Variants in GPHN observed in about 807,000 individuals in gnomAD.
GPHN encodes gephyrin.
A neutral mutation model predicts 95.5 loss-of-function variants in GPHN; 17 were observed. The observed-to-expected ratio is 0.18, with a 90% CI of 0.12 to 0.27. The LOEUF (loss-of-function observed/expected upper bound fraction) is 0.27, where lower values mean the gene tolerates loss of function less well. Among genes scored for constraint, GPHN ranks in the 10% least tolerant of loss-of-function variants. GPHN has a pLI of 1.00. For synonymous variants in GPHN, 320 were observed against 322.5 expected (o/e 0.99, Z 0.08); for missense variants, 660 against 978.1 (o/e 0.67, Z 4.34).
intron 10 of GPHN, among the ~76,000 whole-genome samples, chr14:67,024,878 T>C (rs1371512573): frequency 6.6e-6 from 1 of 152,170 alleles, no homozygotes; most frequent in East Asian, 1.9e-4. Context: ...GGGGTTTTTT[T>C]GTGTAAATTT....
chr14:66,715,098 G>C (rs1010914560), intron 2 of GPHN, among the ~76,000 whole-genome samples: 1 of 152,162 alleles, frequency 6.6e-6, no homozygotes, highest in South Asian at 2.1e-4. Flanking sequence ...CTGTGAATCT[G>C]TCTGGTCCTG....
intron 10 of GPHN, among the ~76,000 whole-genome samples, chr14:67,036,343 C>T (rs1325800555): frequency 6.6e-6 from 1 of 150,610 alleles, no homozygotes; most frequent in Non-Finnish European, 1.5e-5. Context: ...TTTGCCACTT[C>T]TTTTTAGTAT....
At chr14:67,641,120 G>A in the GPHN span, among the ~76,000 whole-genome samples, 1 of 152,176 alleles carries the variant, frequency 6.6e-6, no homozygotes, top group Non-Finnish European at 1.5e-5. Flanking sequence ...GGGTGGCTGT[G>A]ATAGTGACAC....
At chr14:67,528,098 G>A in the GPHN span, among the ~76,000 whole-genome samples, 2 of 152,172 alleles carry the variant, frequency 1.3e-5, no homozygotes, top group Admixed American at 1.3e-4. Flanking sequence ...TGGGGACTCA[G>A]ATAGATTGGA....
chr14:66,661,555 T>G (rs1595447713), intron 1 of GPHN, among the ~76,000 whole-genome samples: 1 of 152,162 alleles, frequency 6.6e-6, no homozygotes, highest in African/African-American at 2.4e-5. Flanking sequence ...GCTCAACCTT[T>G]CCAGCCTGTG....
chr14:66,521,405 T>C (rs912201719), intron 1 of GPHN, among the ~76,000 whole-genome samples: 4 of 151,978 alleles, frequency 2.6e-5, no homozygotes, highest in African/African-American at 9.7e-5. Flanking sequence ...TCCTTGGGAG[T>C]GGGGATACTA....
chr14:67,117,139 C>T (rs1245836627), intron 16 of GPHN, among the ~76,000 whole-genome samples: 1 of 152,194 alleles, frequency 6.6e-6, no homozygotes, highest in African/African-American at 2.4e-5. Context: ...AGTCAAATCA[C>T]CTTCTCTTTG....
chr14:66,529,338 A>G (rs1433374425), intron 1 of GPHN, among the ~76,000 whole-genome samples: 1 of 151,686 alleles, frequency 6.6e-6, no homozygotes, highest in African/African-American at 2.4e-5. Context: ...TCTTCTCTAA[A>G]CTGGTTATTC....
At chr14:66,670,631 A>C (rs2066252231) in intron 1 of GPHN, among the ~76,000 whole-genome samples, 2 of 152,266 alleles carry the variant, frequency 1.3e-5, no homozygotes, top group Admixed American at 1.3e-4. Context: ...CTTAACAAAA[A>C]TACAAAAAAA....
chr14:67,269,167 G>A, the GPHN span, among the ~76,000 whole-genome samples: 1 of 152,118 alleles, frequency 6.6e-6, no homozygotes, highest in African/African-American at 2.4e-5. Context: ...AATCCTGTTT[G>A]TAGGGTTAAT....
At chr14:66,604,825 G>A (rs1028466728) in intron 1 of GPHN, among the ~76,000 whole-genome samples, 1 of 151,978 alleles carries the variant, frequency 6.6e-6, no homozygotes, top group Admixed American at 6.6e-5. Context: ...ATATCTGATA[G>A]GTAGTTTTTC....
intron 1 of GPHN, among the ~76,000 whole-genome samples, chr14:66,537,438 A>G (rs1342764307): frequency 6.6e-6 from 1 of 151,898 alleles, no homozygotes; most frequent in African/African-American, 2.4e-5. Flanking sequence ...ATTTTAATAA[A>G]TCTTGATTTT....
At chr14:67,337,507 ACT>A in the GPHN span, 1 of 149,516 alleles carries the variant, frequency 6.7e-6, no homozygotes, top group African/African-American at 2.5e-5. Flanking sequence ...AATGAGTGAG[ACT>A]CTGTTTCAAA....
the GPHN span, among the ~76,000 whole-genome samples, chr14:67,439,321 T>G: frequency 6.6e-6 from 1 of 152,122 alleles, no homozygotes; most frequent in African/African-American, 2.4e-5. Context: ...TAGTTGTAGG[T>G]TTTCATCAGT....
At chr14:67,105,129 C>T (rs1444641850) in intron 13 of GPHN, among the ~76,000 whole-genome samples, 1 of 151,950 alleles carries the variant, frequency 6.6e-6, no homozygotes, top group Non-Finnish European at 1.5e-5. Context: ...GTAATTTCTA[C>T]ATGTTTGTAC....
Position 66,564,758 on chromosome 14 carries a change from C to T in GPHN, c.64+56167C>T, listed in dbSNP as rs140607092. Among the ~76,000 whole-genome samples the T allele has an allele frequency of 4.2e-3, 635 of 152,188 alleles. 1 individual carries two copies. Among genetic ancestry groups the T allele is most frequent in the Non-Finnish European group, 7.3e-3 (495 of 68,012 alleles). ...GTAAGATTTTGTGTGTGTGCGTGTG[C>T]ATGCATATGTTCACGTGTTTGGTGG... On this transcript the variant is annotated intron_variant, in intron 1 of 22. Coordinates refer to ENST00000478722, the MANE Select transcript of GPHN (RefSeq NM_020806.5).
the GPHN span, chr14:67,573,139 A>G: frequency 1.6e-6 from 1 of 618,904 alleles, no homozygotes; most frequent in Admixed American, 2.5e-5. The surrounding 1 kb of genome is among the most constrained non-coding windows in gnomAD (Gnocchi z 4.8). Context: ...CTCTGAAAAT[A>G]CACTGAGTAG....
chr14:66,639,437 A>G (rs554654818), intron 1 of GPHN, among the ~76,000 whole-genome samples: 12 of 152,282 alleles, frequency 7.9e-5, no homozygotes, highest in East Asian at 3.9e-4. Context: ...TTCATACATG[A>G]CAATTGATGA....
At chr14:67,078,518 C>T (rs2076579114) in intron 11 of GPHN, among the ~76,000 whole-genome samples, 1 of 152,112 alleles carries the variant, frequency 6.6e-6, no homozygotes, top group African/African-American at 2.4e-5. Context: ...TCCAACACTA[C>T]TGCTTAGCTT....
Sources: gnomAD v4.1 joint callset for allele counts (sites outside exome capture counted in the v4.1 genomes callset) on GRCh38, gnomAD v4.1.1 for gene constraint, Gnocchi (gnomAD v3.1) non-coding constraint, MANE v1.5 for transcripts, NCBI Gene and HGNC (gene_info 2026-07-23, HGNC 2026-07-21) for gene names.